The following CHODL variants were observed in gnomAD, a reference collection of about 807,000 sequenced individuals.
CHODL encodes chondrolectin.
In CHODL, 29 loss-of-function variants were observed where a neutral mutation model predicts 34.5. The ratio of observed to expected loss-of-function variants is 0.84; its 90% CI spans 0.63 to 1.15. The LOEUF is 1.15. Among genes scored for constraint, CHODL ranks in the 50% most tolerant of loss-of-function variants. The probability of loss-of-function intolerance (pLI) is 0.00; values close to 1 mark genes in which losing one functional copy is unlikely to be tolerated. For missense variants in CHODL, 332 were observed against 332.5 expected, an observed-to-expected ratio of 1.00 and a Z score of 0.01; for synonymous variants, 125 against 116.1, an observed-to-expected ratio of 1.08 and a Z score of -0.49.
At chr21:18,180,378 C>G (rs984131854) in intron 2 of CHODL, among the ~76,000 whole-genome samples, 2 of 152,092 alleles carry the variant, frequency 1.3e-5, no homozygotes, top group African/African-American at 4.8e-5. Context: ...CACGTGGGCT[C>G]AAGCAATCCT....
intron 2 of CHODL, among the ~76,000 whole-genome samples, chr21:18,237,025 AG>A (rs1245634511): frequency 1.3e-5 from 2 of 152,164 alleles, no homozygotes; most frequent in Non-Finnish European, 2.9e-5. Flanking sequence ...CTATTGGAGA[AG>A]AAATATGCTG....
At chr21:18,046,248 A>G (rs1297926930) in intron 2 of CHODL, among the ~76,000 whole-genome samples, 1 of 151,932 alleles carries the variant, frequency 6.6e-6, no homozygotes, top group African/African-American at 2.4e-5. Flanking sequence ...AGTCATGGGA[A>G]GCGGTTAATG....
intron 2 of CHODL, among the ~76,000 whole-genome samples, chr21:18,231,032 C>G (rs1001960123): frequency 4.6e-5 from 7 of 152,040 alleles, no homozygotes; most frequent in Non-Finnish European, 1.0e-4. Context: ...GTTTATGTAG[C>G]CCCGACCATG....
In CHODL at chr21:18,156,302, T is replaced by A. The variant is rs558933403; in HGVS notation, c.-44-100207T>A. ...AGGATTTAAAAGTTTTATTTTATTT[T>A]TTCAGTGTGATTCAATCTCACTTGT... is the stretch of plus-strand genomic sequence containing the variant. On this transcript the variant is annotated intron_variant, in intron 2 of 6. Coordinates refer to the CHODL transcript ENST00000400127. Among the ~76,000 whole-genome samples, 4 of 152,346 alleles carry A rather than the reference T, an allele frequency of 2.6e-5. No homozygotes were observed. In the South Asian group the frequency reaches 8.3e-4, roughly 32 times the overall value.
At chr21:18,149,138 T>C (rs919444462) in intron 2 of CHODL, among the ~76,000 whole-genome samples, 1 of 152,222 alleles carries the variant, frequency 6.6e-6, no homozygotes, top group African/African-American at 2.4e-5. Flanking sequence ...GGATTAGGCT[T>C]TAATGACATT....
chr21:18,015,604 G>C (rs2064065372), intron 1 of CHODL, among the ~76,000 whole-genome samples: 1 of 152,122 alleles, frequency 6.6e-6, no homozygotes, highest in Non-Finnish European at 1.5e-5. Context: ...ACAACTTGAG[G>C]GCTCAGAAGA....
chr21:18,048,402 A>G (rs1345011914), intron 2 of CHODL, among the ~76,000 whole-genome samples: 2 of 151,970 alleles, frequency 1.3e-5, no homozygotes, highest in Non-Finnish European at 2.9e-5. Context: ...GGAATTAAAA[A>G]ACAATGAGAC....
intron 2 of CHODL, among the ~76,000 whole-genome samples, chr21:18,082,918 GAA>G (rs879403369): frequency 2.3e-5 from 3 of 130,382 alleles, no homozygotes; most frequent in Admixed American, 7.7e-5. Flanking sequence ...CATGTAGGAG[GAA>G]AAAAAAAAAA....
chr21:18,241,362 C>T (rs2074080408), upstream of CHODL, among the ~76,000 whole-genome samples: 1 of 151,890 alleles, frequency 6.6e-6, no homozygotes. Context: ...TGATAGTGCT[C>T]AGGAGAATCA....
chr21:17,942,865 G>A (rs1162469924), intron 1 of CHODL, among the ~76,000 whole-genome samples: 1 of 152,200 alleles, frequency 6.6e-6, no homozygotes, highest in Non-Finnish European at 1.5e-5. Flanking sequence ...TTGGATCATG[G>A]GGGTGGAATT....
chr21:18,206,047 C>G (rs1031170642), intron 2 of CHODL, among the ~76,000 whole-genome samples: 4 of 152,150 alleles, frequency 2.6e-5, no homozygotes, highest in South Asian at 2.1e-4. Flanking sequence ...AGTTTTGTGG[C>G]CTAACATGTA....
chr21:18,000,896 G>T (rs1273033700), intron 1 of CHODL, among the ~76,000 whole-genome samples: 1 of 152,016 alleles, frequency 6.6e-6, no homozygotes, highest in South Asian at 2.1e-4. Context: ...CCTGAGATAG[G>T]TTTCAAATTT....
chr21:17,918,502 C>T (rs956124371), intron 1 of CHODL, among the ~76,000 whole-genome samples: 2 of 151,784 alleles, frequency 1.3e-5, no homozygotes, highest in Non-Finnish European at 2.9e-5. Flanking sequence ...AGGGAAACTC[C>T]CATTTTTAAA....
At chr21:17,989,081 G>A (rs1387959713) in intron 1 of CHODL, among the ~76,000 whole-genome samples, 1 of 152,134 alleles carries the variant, frequency 6.6e-6, no homozygotes, top group Non-Finnish European at 1.5e-5. Context: ...TTGAGATAAG[G>A]AATAATTTGG....
chr21:18,201,420 T>A (rs1484988328), intron 2 of CHODL, among the ~76,000 whole-genome samples: 1 of 151,974 alleles, frequency 6.6e-6, no homozygotes, highest in East Asian at 1.9e-4. Flanking sequence ...TAAACTCAGT[T>A]CCCATAGGGT....
intron 1 of CHODL, among the ~76,000 whole-genome samples, chr21:17,933,530 CAT>C (rs2063293232): frequency 6.6e-6 from 1 of 152,174 alleles, no homozygotes; most frequent in South Asian, 2.1e-4. Flanking sequence ...TGACACAGCA[CAT>C]GTTTCAGAGA....
intron 2 of CHODL, among the ~76,000 whole-genome samples, chr21:18,032,810 A>G (rs1454692209): frequency 1.3e-5 from 2 of 152,014 alleles, no homozygotes; most frequent in African/African-American, 2.4e-5. Flanking sequence ...TCTATTGTTC[A>G]CCTGGTGCTG....
intron 5 of CHODL, among the ~76,000 whole-genome samples, chr21:18,263,795 T>C (rs2146829476): frequency 6.6e-6 from 1 of 152,286 alleles, no homozygotes; most frequent in Admixed American, 6.5e-5. Flanking sequence ...CTTCATCTTC[T>C]TCTTTTTCTG....
intron 1 of CHODL, among the ~76,000 whole-genome samples, chr21:17,994,843 G>A (rs897402664): frequency 1.3e-5 from 2 of 152,134 alleles, no homozygotes; most frequent in Non-Finnish European, 2.9e-5. Context: ...GTAGGTCCTG[G>A]GACAGCACAT....
Sources: gnomAD v4.1 joint callset for allele counts (sites outside exome capture counted in the v4.1 genomes callset) on GRCh38, gnomAD v4.1.1 for gene constraint, MANE v1.5 for transcripts, NCBI Gene and HGNC (gene_info 2026-07-23, HGNC 2026-07-21) for gene names.